Variants in ABCA9 observed in about 807,000 individuals in gnomAD.
The protein encoded by ABCA9 is ATP-binding cassette sub-family A member 9.
A neutral mutation model predicts 205.3 loss-of-function variants in ABCA9; 183 were observed. The ratio of observed to expected loss-of-function variants is 0.89; its 90% confidence interval spans 0.79 to 1.01. The LOEUF (loss-of-function observed/expected upper bound fraction) is 1.01, where lower values mean the gene tolerates loss of function less well. Ranked by LOEUF, ABCA9 falls within the 50% of genes least tolerant of loss-of-function variation. The pLI is 0.00. For missense variants in ABCA9, 1,805 were observed against 1,912.4 expected, an observed-to-expected ratio of 0.94 and a Z score of 1.05; for synonymous variants, 651 against 683.3, an observed-to-expected ratio of 0.95 and a Z score of 0.74.
chr17:68,988,941 T>C, intron 31 of ABCA9, 86 bp downstream of exon 31: 1 of 794,558 alleles, frequency 1.3e-6, no homozygotes, highest in Non-Finnish European at 2.1e-6. Flanking sequence ...CACTAAGTGA[T>C]TATGGATCAA....
At chr17:68,992,110 C>T (rs893117896) in intron 28 of ABCA9, 65 bp downstream of exon 28, 4 of 1,134,662 alleles carry the variant, frequency 3.5e-6, no homozygotes, top group South Asian at 3.1e-5. Context: ...TAATTCAGCA[C>T]ATTAAAAAGT....
At position 69,053,654 on chromosome 17, in the gene ABCA9, C is replaced by T. The variant is rs183223396; in HGVS notation, c.-13-2515G>A. On this transcript the variant is annotated intron_variant, in intron 1 of 38. Coordinates refer to ENST00000340001, the MANE Select transcript of ABCA9 (RefSeq NM_080283.4). ...TTTTTGAAAAGAAAACAAAAAAAGA[C>T]TGAAGAAAAAACAGAGCAGAATATT... Among the ~76,000 whole-genome samples the T allele has an allele frequency of 2.0e-3, 308 of 151,846 alleles. 1 individual carries two copies. The highest frequency in any genetic ancestry group is 3.4e-3 in the Middle Eastern group (1 of 294).
chr17:69,039,190 CT>C (rs1437893600), intron 6 of ABCA9, among the ~76,000 whole-genome samples: 4 of 152,158 alleles, frequency 2.6e-5, no homozygotes, highest in African/African-American at 9.7e-5. Context: ...CGTTGACTTT[CT>C]TCATAGAATT....
At chr17:68,990,749 A>G (rs1489071012) in intron 29 of ABCA9, 88 bp downstream of exon 29, 24 of 1,517,244 alleles carry the variant, frequency 1.6e-5, no homozygotes, top group Non-Finnish European at 2.1e-5. Context: ...AAGAACCCCA[A>G]GTGTTTTTCG....
chr17:68,995,774 C>G, intron 26 of ABCA9, 121 bp downstream of exon 26: 1 of 1,316,530 alleles, frequency 7.6e-7, no homozygotes, highest in South Asian at 1.4e-5. Context: ...ACTGACTTTC[C>G]AAAGACAGAG....
At position 68,995,996 on chromosome 17, in the gene ABCA9, C is replaced by G; in HGVS notation, c.3454G>C (p.Val1152Leu). ...CCATATTCATTTAGATCAGTAGCAACTATCGAGAAGATGACCACCTAAAAC... is the reference window on the plus strand; with the variant it reads ...CCATATTCATTTAGATCAGTAGCAAGTATCGAGAAGATGACCACCTAAAAC... ...FFLIVVIFSI[V>L]ATDLNEYGFL... The change falls in exon 26 of 39, where the codon GTT (valine) becomes CTT (leucine). Residue 1152 changes from valine (V) to leucine (L), a missense_variant. Coordinates refer to ENST00000340001, the MANE Select transcript of ABCA9 (RefSeq NM_080283.4). The G allele has an allele frequency of 6.2e-7, 1 of 1,613,614 alleles. No individual in the cohort carries two copies. The highest frequency in any genetic ancestry group is 1.3e-5 in the African/African-American group (1 of 75,030).
chr17:69,016,854 G>T (rs567653512), intron 21 of ABCA9, among the ~76,000 whole-genome samples: 1 of 143,600 alleles, frequency 7.0e-6, no homozygotes, highest in Admixed American at 6.8e-5. Context: ...TTAAAATAAC[G>T]TGTGTGTGTG....
At chr17:69,077,231 A>C in the ABCA9 span, among the ~76,000 whole-genome samples, 5 of 152,112 alleles carry the variant, frequency 3.3e-5, no homozygotes, top group African/African-American at 4.8e-5. Flanking sequence ...TTATTTCAAA[A>C]AATTTTTTTT....
chr17:68,989,256 T>TCACACACACA (rs71293542), intron 30 of ABCA9, 138 bp from the exon 31 acceptor site: 45 of 243,082 alleles, frequency 1.9e-4, no homozygotes, highest in African/African-American at 8.7e-4. Context: ...TCTCTCTCTC[T>TCACACACACA]CACACACACA....
At chr17:69,006,851 T>C (rs2070154188) in intron 25 of ABCA9, among the ~76,000 whole-genome samples, 1 of 152,178 alleles carries the variant, frequency 6.6e-6, no homozygotes, top group South Asian at 2.1e-4. Context: ...TTGGATATTA[T>C]ATAGAAAATA....
chr17:69,031,695 T>C (rs767130311), intron 10 of ABCA9, among the ~76,000 whole-genome samples: 1 of 152,082 alleles, frequency 6.6e-6, no homozygotes, highest in African/African-American at 2.4e-5. Context: ...TTTCTCCTCA[T>C]CTAATTATAA....
the ABCA9 span, among the ~76,000 whole-genome samples, chr17:69,078,293 C>T: frequency 7.2e-5 from 11 of 151,786 alleles, no homozygotes; most frequent in South Asian, 2.1e-4. Flanking sequence ...CTCTGCCTCC[C>T]GGGTTCAAGC....
chr17:68,988,959 G>T, intron 31 of ABCA9, 68 bp downstream of exon 31: 2 of 940,956 alleles, frequency 2.1e-6, no homozygotes, highest in Non-Finnish European at 1.7e-6. Context: ...CAACTACATA[G>T]TCTATTATTG....
chr17:69,063,674 G>C (rs866592971), upstream of ABCA9, among the ~76,000 whole-genome samples: 1 of 152,048 alleles, frequency 6.6e-6, no homozygotes, highest in Admixed American at 6.5e-5. Context: ...CCGGGTTCAT[G>C]CCATTCTCGT....
At chr17:69,041,623 G>A (rs145258504) in intron 6 of ABCA9, among the ~76,000 whole-genome samples, 20 of 152,144 alleles carry the variant, frequency 1.3e-4, no homozygotes, top group African/African-American at 4.8e-4. Flanking sequence ...AGAATCACTT[G>A]AACCCGGGAG....
chr17:69,029,612 C>T (rs142283297), intron 10 of ABCA9, among the ~76,000 whole-genome samples: 33 of 152,232 alleles, frequency 2.2e-4, no homozygotes, highest in African/African-American at 7.0e-4. Context: ...AACAGTAGGG[C>T]TTTGGAATCT....
intron 23 of ABCA9, among the ~76,000 whole-genome samples, chr17:69,010,809 A>G (rs2144203797): frequency 6.6e-6 from 1 of 152,330 alleles, no homozygotes; most frequent in African/African-American, 2.4e-5. Flanking sequence ...GGAGATAAAG[A>G]GACAACGATA....
intron 37 of ABCA9, among the ~76,000 whole-genome samples, chr17:68,977,796 T>G (rs2068930817): frequency 6.6e-6 from 1 of 152,232 alleles, no homozygotes; most frequent in Non-Finnish European, 1.5e-5. Context: ...CATCTCCACA[T>G]TTTGTACTTT....
At chr17:68,993,600 T>C (rs926758423) in intron 26 of ABCA9, among the ~76,000 whole-genome samples, 1 of 152,196 alleles carries the variant, frequency 6.6e-6, no homozygotes, top group Admixed American at 6.5e-5. Flanking sequence ...CATTCCCCAC[T>C]CTTTTGCAAA....
Sources: allele counts gnomAD v4.1 joint callset (sites outside exome capture counted in the v4.1 genomes callset), GRCh38; gene constraint gnomAD v4.1.1; transcripts MANE v1.5; gene names NCBI Gene and HGNC (gene_info 2026-07-23, HGNC 2026-07-21).